The following FXR1 variants were observed in gnomAD, a reference collection of about 807,000 sequenced individuals.
The protein encoded by FXR1 is RNA-binding protein FXR1.
A neutral mutation model predicts 84.0 loss-of-function variants in FXR1; 15 were observed. The observed-to-expected ratio is 0.18, with a 90% CI of 0.12 to 0.27. FXR1 has a LOEUF of 0.27. FXR1 is among the 10% of genes least tolerant of loss of function. FXR1 has a pLI of 1.00. For synonymous variants in FXR1, 245 were observed against 250.7 expected (o/e 0.98, Z 0.21); for missense variants, 480 against 774.4 (o/e 0.62, Z 4.51).
chr3:180,929,687 C>A (rs903848413), intron 1 of FXR1, among the ~76,000 whole-genome samples: 3 of 152,200 alleles, frequency 2.0e-5, no homozygotes, highest in Non-Finnish European at 4.4e-5. Flanking sequence ...CCAGCCCTGT[C>A]AATTTGGGTC....
In FXR1 at chr3:180,931,026, C is replaced by CAAAA. The variant is rs57731098; in HGVS notation, c.52-2290_52-2287dup. On this transcript the variant is annotated intron_variant, in intron 1 of 16. Transcript: ENST00000357559. ...CCTGGGCAACAGAGCGAGACTGCCT[C>CAAAA]AAAAAAAAAAAAAAAAAAAAAGACG... Among the ~76,000 whole-genome samples the CAAAA allele has an allele frequency of 4.6e-3, 257 of 55,606 alleles. 16 individuals are homozygous for CAAAA. Among genetic ancestry groups the CAAAA allele is most frequent in the East Asian group, 0.037 (51 of 1,382 alleles). 36.5% of individuals were successfully genotyped at this position (55,606 alleles called of 152,430 possible).
chr3:180,959,576 C>G (rs532136220), intron 10 of FXR1, among the ~76,000 whole-genome samples: 3 of 152,012 alleles, frequency 2.0e-5, no homozygotes, highest in African/African-American at 7.2e-5. Flanking sequence ...AAATCAAATA[C>G]ATGAAATGAA....
chr3:180,978,625 C>T lies in FXR1; in HGVS notation c.*2333C>T, dbSNP rs1012800388. On this transcript the variant is annotated 3_prime_UTR_variant, in exon 17 of 17. Coordinates refer to ENST00000357559, the MANE Select transcript of FXR1 (RefSeq NM_005087.4). ...TGGAGCCTGGCACAGTAGCTTATGTCTTTGGTTCTAGCTACTCAGGAGCCT... is the reference window on the plus strand; with the variant it reads ...TGGAGCCTGGCACAGTAGCTTATGTTTTTGGTTCTAGCTACTCAGGAGCCT... 6.6e-6 allele frequency: 1 copy of T among 151,970 alleles called. No homozygotes were observed. Among genetic ancestry groups the T allele is most frequent in the African/African-American group, 2.4e-5 (1 of 41,388 alleles). The allele number at this position is 151,970 out of a possible 1,614,324, so 9.4% of individuals were successfully genotyped here.
chr3:180,964,745 C>T (rs1472826803), intron 13 of FXR1, among the ~76,000 whole-genome samples: 1 of 147,778 alleles, frequency 6.8e-6, no homozygotes, highest in Non-Finnish European at 1.5e-5. Flanking sequence ...CTATAAGAAA[C>T]ATTTCCCAGT....
intron 1 of FXR1, chr3:180,927,666 T>TAAA: frequency 1.9e-6 from 1 of 522,030 alleles, no homozygotes; most frequent in South Asian, 2.8e-5. Flanking sequence ...AGCACCCGTC[T>TAAA]AAAAAAAAAT....
intron 4 of FXR1, 85 bp downstream of exon 4, chr3:180,948,021 T>TA: frequency 1.3e-6 from 1 of 758,618 alleles, no homozygotes; most frequent in Admixed American, 2.3e-5. Flanking sequence ...TTTCAACTGT[T>TA]AGTTTTATTT....
At chr3:180,955,940 G>C (rs1433605904) in intron 9 of FXR1, among the ~76,000 whole-genome samples, 2 of 152,182 alleles carry the variant, frequency 1.3e-5, no homozygotes, top group African/African-American at 4.8e-5. Flanking sequence ...CACATTAGCA[G>C]TGACTATTAC....
intron 1 of FXR1, among the ~76,000 whole-genome samples, chr3:180,914,366 C>T (rs1356185369): frequency 1.3e-5 from 2 of 152,014 alleles, no homozygotes; most frequent in African/African-American, 2.4e-5. Flanking sequence ...GCATCACCCC[C>T]CACCCCTTTC....
At chr3:180,935,620 T>C (rs1483806656) in intron 3 of FXR1, among the ~76,000 whole-genome samples, 1 of 152,246 alleles carries the variant, frequency 6.6e-6, no homozygotes, top group African/African-American at 2.4e-5. Context: ...GTTATTTTAC[T>C]ATAGTGATCA....
At chr3:180,936,484 T>C (rs1332829887) in intron 3 of FXR1, among the ~76,000 whole-genome samples, 1 of 151,958 alleles carries the variant, frequency 6.6e-6, no homozygotes, top group African/African-American at 2.4e-5. Flanking sequence ...GCCAGGCTGG[T>C]CTTGAACTCC....
At chr3:180,937,621 T>C (rs1720670602) in intron 3 of FXR1, among the ~76,000 whole-genome samples, 1 of 152,150 alleles carries the variant, frequency 6.6e-6, no homozygotes, top group South Asian at 2.1e-4. Flanking sequence ...TTTTCACTTT[T>C]GAAAAATTTA....
In FXR1 at chr3:180,975,357, C is replaced by T; in HGVS notation, c.1648C>T (p.Gln550Ter). 6.5e-7 allele frequency: 1 copy of T among 1,544,246 alleles called. No individual in the cohort carries two copies. The highest frequency in any genetic ancestry group is 8.9e-7 in the Non-Finnish European group (1 of 1,126,814). ...YISRAESQSR[Q>*]RNLPRETLAK... The stretch of plus-strand genomic sequence containing the variant: ...TTCTAGAGCTGAGTCTCAGAGCAGA[C>T]AAAGAAACCTCCCAAGGGAAACTTT... Residue 550 changes from glutamine to a stop codon, truncating the protein, a stop_gained, in exon 16 of 17, where the codon CAA (glutamine) becomes TAA (stop). Transcript: ENST00000357559. LOFTEE classifies it high-confidence loss of function.
At chr3:180,931,026 C>CAAAAA (rs57731098) in intron 1 of FXR1, among the ~76,000 whole-genome samples, 9,202 of 55,276 alleles carry the variant, frequency 0.17, 1,088 homozygotes, top group Non-Finnish European at 0.23. Flanking sequence ...GAGACTGCCT[C>CAAAAA]AAAAAAAAAA....
rs1043943861 is a variant in FXR1, at chr3:180,973,819, C to G, written c.1604-1494C>G. On this transcript the variant is annotated intron_variant, in intron 15 of 16. Transcript: ENST00000357559. The stretch of plus-strand genomic sequence containing the variant: ...ATTTACATAATAGTTCTAGAAAGTT[C>G]TTGGATCTTATGAAAGTGTTAGCAT... 3.9e-5 allele frequency among the ~76,000 whole-genome samples: 6 copies of G among 152,172 alleles called. 1 individual carries two copies. Among genetic ancestry groups the G allele is most frequent in the African/African-American group, 1.4e-4 (6 of 41,524 alleles).
chr3:180,952,591 G>A (rs1347346049), intron 8 of FXR1, among the ~76,000 whole-genome samples: 3 of 151,632 alleles, frequency 2.0e-5, no homozygotes, highest in East Asian at 1.9e-4. Context: ...AAAAAAAGAC[G>A]AGCTTTGGAG....
chr3:180,954,987 ATTTTTT>A (rs35677270), intron 9 of FXR1, among the ~76,000 whole-genome samples: 5 of 132,700 alleles, frequency 3.8e-5, no homozygotes, highest in South Asian at 2.4e-4. Flanking sequence ...GTAAAAATAA[ATTTTTT>A]TTTTTTTTTT....
At chr3:180,927,617 C>A in intron 1 of FXR1, 1 of 589,390 alleles carries the variant, frequency 1.7e-6, no homozygotes, top group Non-Finnish European at 3.0e-6. Context: ...ATAAAGTAAG[C>A]AGATATCCTG....
intron 9 of FXR1, among the ~76,000 whole-genome samples, chr3:180,954,284 C>T (rs1722522315): frequency 6.6e-6 from 1 of 152,134 alleles, no homozygotes; most frequent in Non-Finnish European, 1.5e-5. Flanking sequence ...GGGTAATAAA[C>T]TTCTACACAG....
intron 1 of FXR1, among the ~76,000 whole-genome samples, chr3:180,925,993 A>G (rs964501597): frequency 6.6e-6 from 1 of 152,206 alleles, no homozygotes; most frequent in Non-Finnish European, 1.5e-5. Flanking sequence ...CAAACAGCCC[A>G]GTGTCTCTAA....
Sources: allele counts gnomAD v4.1 joint callset (sites outside exome capture counted in the v4.1 genomes callset), GRCh38; gene constraint gnomAD v4.1.1; transcripts MANE v1.5; gene names NCBI Gene and HGNC (gene_info 2026-07-23, HGNC 2026-07-21).